Variants in NR1I3 observed in about 807,000 individuals in gnomAD.
NR1I3 encodes the protein nuclear receptor subfamily 1 group I member 3.
In NR1I3, 30 loss-of-function variants were observed where a neutral mutation model predicts 38.4. The ratio of observed to expected loss-of-function variants is 0.78; its 90% confidence interval spans 0.58 to 1.06. The LOEUF (loss-of-function observed/expected upper bound fraction) is 1.06, where lower values mean the gene tolerates loss of function less well. Among genes scored for constraint, NR1I3 ranks in the 50% least tolerant of loss-of-function variants. The pLI is 0.00. For synonymous variants in NR1I3, 143 were observed against 165.1 expected (o/e 0.87, Z 1.03); for missense variants, 388 against 435.7 (o/e 0.89, Z 0.97).
chr1:161,229,675 TAGTCTTTC>T lies in NR1I3; in HGVS notation c.*114_*121del. 6.2e-7 allele frequency: 1 copy of T among 1,613,992 alleles called. No individual in the cohort carries two copies. The highest frequency in any genetic ancestry group is 8.5e-7 in the Non-Finnish European group (1 of 1,179,930). ...CCGCATGAAGAGGCAGTTATTGCTT[TAGTCTTTC>T]ATTGCAACCACTGGGCTCCCTTTGA... On this transcript the variant is annotated 3_prime_UTR_variant, in exon 9 of 9. Coordinates refer to ENST00000367983, the MANE Select transcript of NR1I3 (RefSeq NM_005122.5).
chr1:161,233,949 GTATATATGTGTA>G (rs1349673190), intron 3 of NR1I3, among the ~76,000 whole-genome samples: 55 of 144,102 alleles, frequency 3.8e-4, no homozygotes, highest in Middle Eastern at 3.5e-3. Flanking sequence ...GTATATATGT[GTATATATGTGTA>G]TATATATGTG....
chr1:161,236,474 C>T lies in NR1I3; in HGVS notation c.92G>A (p.Cys31Tyr). The change falls in exon 2 of 9, where the codon TGC (cysteine) becomes TAC (tyrosine). Residue 31 changes from cysteine to tyrosine, a missense_variant. Transcript: ENST00000367983. The stretch of plus-strand genomic sequence containing the variant: ...AGACTCTCACCTGAAGAAACCCTTG[C>T]AGCCCTCACAAGTCAGCGCATTAAA... ...YHFNALTCEG[C>Y]KGFFRRTVSK... 2 of 1,614,156 alleles carry T rather than the reference C, an allele frequency of 1.2e-6. No individual in the cohort carries two copies. Among genetic ancestry groups the T allele is most frequent in the Non-Finnish European group, 1.7e-6 (2 of 1,180,016 alleles).
At chr1:161,232,229 A>T (rs1571701902) in intron 5 of NR1I3, among the ~76,000 whole-genome samples, 1 of 149,704 alleles carries the variant, frequency 6.7e-6, no homozygotes, top group South Asian at 2.1e-4. Context: ...CAAGTGATCC[A>T]CCCACCTTGG....
chr1:161,233,017 T>C (rs1667703856), intron 4 of NR1I3, 71 bp from the exon 5 acceptor site: 1 of 1,597,834 alleles, frequency 6.3e-7, no homozygotes, highest in Admixed American at 1.7e-5. Flanking sequence ...CAGCCTTATC[T>C]TGGAAGAGTT....
intron 2 of NR1I3, 168 bp from the exon 3 acceptor site, chr1:161,236,145 G>T (rs1668572886): frequency 1.3e-6 from 1 of 767,140 alleles, no homozygotes; most frequent in South Asian, 1.9e-5. Flanking sequence ...CATTTCCATG[G>T]CAACACAGGA....
rs1265469221 is a variant in NR1I3 at position 161,236,548 on chromosome 1, A to T, written c.18T>A (p.Asp6Glu). MASRE[D>E]ELRNCVVCGD... ...CACATACCACACAGTTCCTCAGCTC[A>T]TCTTCCCTACTGGCCATGACGTCAC... is the stretch of plus-strand genomic sequence containing the variant. Residue 6 changes from aspartate to glutamate, a missense_variant, in exon 2 of 9, where the codon GAT (aspartate) becomes GAA (glutamate). Asp to Glu is a conservative substitution (Grantham distance 45, BLOSUM62 2). Transcript: ENST00000367983. 1 of 1,612,488 alleles carries T rather than the reference A, an allele frequency of 6.2e-7. No homozygotes were observed. The highest frequency in any genetic ancestry group is 8.5e-7 in the Non-Finnish European group (1 of 1,178,618).
chr1:161,231,121 A>G lies in NR1I3; in HGVS notation c.807T>C (p.Ser269=), dbSNP rs1445674207. The part of the protein sequence containing the change: ...YVLLAAMALF[S]PDRPGVTQRD... Reference sequence around the variant, plus strand: ...TGGGCTTTGGGAGGTGCTCACCAGGAGAGAAGAGGGCCATGGCAGCCAAGA... The same window carrying G: ...TGGGCTTTGGGAGGTGCTCACCAGGGGAGAAGAGGGCCATGGCAGCCAAGA... The change falls in exon 7 of 9, where the codon TCT becomes TCC. Residue 269 remains serine, a synonymous_variant. Coordinates refer to ENST00000367983, the MANE Select transcript of NR1I3 (RefSeq NM_005122.5). The G allele has an allele frequency of 6.2e-7, 1 of 1,614,130 alleles. No homozygotes were observed. The highest frequency in any genetic ancestry group is 2.2e-5 in the East Asian group (1 of 44,876).
At chr1:161,235,071 G>T (rs1668279670) in intron 3 of NR1I3, among the ~76,000 whole-genome samples, 1 of 151,784 alleles carries the variant, frequency 6.6e-6, no homozygotes, top group Admixed American at 6.6e-5. Flanking sequence ...AACGCAGGAG[G>T]CGGAGGTTGC....
chr1:161,229,671 G>C lies in NR1I3; in HGVS notation c.*126C>G. 6.2e-7 allele frequency: 1 copy of C among 1,613,906 alleles called. No homozygotes were observed. Among genetic ancestry groups the C allele is most frequent in the Admixed American group, 1.7e-5 (1 of 60,034 alleles). ...ATGACCGCATGAAGAGGCAGTTATT[G>C]CTTTAGTCTTTCATTGCAACCACTG... On this transcript the variant is annotated 3_prime_UTR_variant, in exon 9 of 9. Transcript: ENST00000367983.
At chr1:161,236,912 T>TTA (rs1435621093) in intron 1 of NR1I3, among the ~76,000 whole-genome samples, 8 of 104,680 alleles carry the variant, frequency 7.6e-5, no homozygotes, top group Admixed American at 1.1e-4. Flanking sequence ...TATTTATTTA[T>TTA]TTATTTTTTT....
Position 161,235,855 on chromosome 1 carries a change from C to G in NR1I3, c.230G>C (p.Arg77Thr). The change falls in exon 3 of 9, where the codon AGG becomes ACG. Residue 77 changes from arginine to threonine, a missense_variant. Transcript: ENST00000367983. Reference protein sequence around the residue: ...RLQKCLDAGMRKDMILSAEAL... With the variant: ...RLQKCLDAGMTKDMILSAEAL... ...GTAGGGGGCCAACTCACTGTCTTTC[C>G]TCATGCCAGCATCTAAGCACTTCTG... The G allele has an allele frequency of 1.2e-6, 2 of 1,614,114 alleles. No homozygotes were observed. Among genetic ancestry groups the G allele is most frequent in the South Asian group, 1.1e-5 (1 of 91,072 alleles).
chr1:161,235,747 A>G, intron 3 of NR1I3, 100 bp downstream of exon 3: 3 of 1,496,780 alleles, frequency 2.0e-6, no homozygotes, highest in African/African-American at 1.4e-5. Context: ...ACTAGTTTCA[A>G]AAAGAGTACT....
Position 161,236,613 on chromosome 1 carries a change from G to C in NR1I3, c.-33-15C>G, listed in dbSNP as rs1668646585. 12 of 1,610,468 alleles carry C rather than the reference G, an allele frequency of 7.5e-6. No individual in the cohort carries two copies. The highest frequency in any genetic ancestry group is 1.0e-5 in the Non-Finnish European group (12 of 1,178,704). On this transcript the variant is annotated splice_polypyrimidine_tract_variant and intron_variant, in intron 1 of 8. Coordinates refer to ENST00000367983, the MANE Select transcript of NR1I3 (RefSeq NM_005122.5). ...GTCACAGACTCCTGAATGTAGGAGG[G>C]GTCAGCAGTCAGTTTTGGGCCACCC...
intron 1 of NR1I3, among the ~76,000 whole-genome samples, chr1:161,237,584 G>A (rs1324648939): frequency 3.3e-5 from 5 of 151,824 alleles, no homozygotes; most frequent in Non-Finnish European, 5.9e-5. Flanking sequence ...TGGGCATCGT[G>A]GCATGTGCCT....
In NR1I3 at chr1:161,235,850, CTT is replaced by C. The variant is rs759027156; in HGVS notation, c.233_234del (p.Lys78ArgfsTer30). The C allele has an allele frequency of 1.9e-6, 3 of 1,614,144 alleles. No individual in the cohort carries two copies. In the South Asian group the frequency reaches 3.3e-5, roughly 18 times the overall value. On this transcript the variant is annotated frameshift_variant, in exon 3 of 9. Transcript: ENST00000367983. LOFTEE classifies it high-confidence loss of function. ...GAGATGTAGGGGGCCAACTCACTGT[CTT>C]TCCTCATGCCAGCATCTAAGCACTT... is the stretch of plus-strand genomic sequence containing the variant. Reference protein sequence around the residue: ...LQKCLDAGMRKDMILSAEALA... With the variant: ...LQKCLDAGMRXDMILSAEALA...
intron 8 of NR1I3, 118 bp downstream of exon 8, chr1:161,230,695 C>T (rs1030867572): frequency 1.6e-5 from 22 of 1,395,410 alleles, no homozygotes; most frequent in Non-Finnish European, 2.1e-5. Context: ...GACTAGACCC[C>T]ACGATACCTG....
At chr1:161,236,124 C>G in intron 2 of NR1I3, 147 bp from the exon 3 acceptor site, 1 of 876,732 alleles carries the variant, frequency 1.1e-6, no homozygotes, top group East Asian at 2.7e-5. Context: ...TAGTATCCAA[C>G]ACATCTCAAG....
At chr1:161,231,540 AC>A (rs926085925) in intron 5 of NR1I3, 66 bp from the exon 6 acceptor site, 2 of 1,527,926 alleles carry the variant, frequency 1.3e-6, no homozygotes, top group African/African-American at 2.8e-5. Flanking sequence ...TCTCACTGTC[AC>A]CCTGGCTGGA....
intron 3 of NR1I3, among the ~76,000 whole-genome samples, chr1:161,233,897 GTGTATATATATGTGTATATA>G (rs1667985042): frequency 1.4e-5 from 2 of 147,200 alleles, no homozygotes; most frequent in East Asian, 2.0e-4. Context: ...GTATATGTGT[GTGTATATATATGTGTATATA>G]TGTATATATA....
Sources: gnomAD v4.1 joint callset for allele counts (sites outside exome capture counted in the v4.1 genomes callset) on GRCh38, gnomAD v4.1.1 for gene constraint, MANE v1.5 for transcripts, NCBI Gene and HGNC (gene_info 2026-07-23, HGNC 2026-07-21) for gene names.